RASGRP3: variants seen among roughly 807,000 people sequenced by gnomAD.
The protein encoded by RASGRP3 is RAS guanyl releasing protein 3, also known as ras guanyl-releasing protein 3.
In RASGRP3, 54 loss-of-function variants were observed where a neutral mutation model predicts 82.7. That is an observed-to-expected ratio of 0.65 (90% CI 0.52 to 0.82). The LOEUF is 0.82. Among genes scored for constraint, RASGRP3 ranks in the 40% least tolerant of loss-of-function variants. RASGRP3 has a pLI of 0.00. For synonymous variants in RASGRP3, 309 were observed against 300.5 expected (o/e 1.03, Z -0.29); for missense variants, 861 against 828.9 (o/e 1.04, Z -0.48).
chr2:33,525,745 T>C (rs1332313837), intron 9 of RASGRP3, among the ~76,000 whole-genome samples: 2 of 139,152 alleles, frequency 1.4e-5, no homozygotes, highest in African/African-American at 5.5e-5. Flanking sequence ...GGTGTGGCAG[T>C]GTGTGCCTGT....
intron 15 of RASGRP3, among the ~76,000 whole-genome samples, chr2:33,556,172 GTTGT>G (rs1170518259): frequency 6.8e-6 from 1 of 147,968 alleles, no homozygotes; most frequent in Non-Finnish European, 1.5e-5. Context: ...ATACATTACT[GTTGT>G]TTAAGAAGTT....
At chr2:33,461,137 C>T (rs994771299) in intron 2 of RASGRP3, among the ~76,000 whole-genome samples, 2 of 152,218 alleles carry the variant, frequency 1.3e-5, no homozygotes, top group African/African-American at 2.4e-5. Context: ...TCCCTTGCCT[C>T]TCAATTTGAG....
In RASGRP3 at chr2:33,487,920, G is replaced by A. The variant is rs545364679; in HGVS notation, c.-261+11213G>A. The stretch of plus-strand genomic sequence containing the variant: ...TTCTGAGACCAGCCTGGGCAACATA[G>A]TTGCAGACAGCAGTACACTTCATTC... On this transcript the variant is annotated intron_variant, in intron 1 of 17. Transcript: ENST00000403687. 5.9e-5 allele frequency among the ~76,000 whole-genome samples: 9 copies of A among 152,308 alleles called. No individual in the cohort carries two copies. The South Asian group carries it at 1.9e-3, about 32-fold the overall frequency.
At chr2:33,522,417 G>A (rs1672126488) in intron 7 of RASGRP3, among the ~76,000 whole-genome samples, 1 of 152,124 alleles carries the variant, frequency 6.6e-6, no homozygotes, top group African/African-American at 2.4e-5. Context: ...TCTCCCAAGT[G>A]AACATGTTTT....
intron 13 of RASGRP3, among the ~76,000 whole-genome samples, chr2:33,546,024 G>A (rs1306444824): frequency 6.6e-6 from 1 of 151,242 alleles, no homozygotes; most frequent in Non-Finnish European, 1.5e-5. Flanking sequence ...TGGCCAGGCT[G>A]TTCTTGAACT....
At chr2:33,477,249 T>A (rs939874191) in intron 1 of RASGRP3, among the ~76,000 whole-genome samples, 3 of 152,218 alleles carry the variant, frequency 2.0e-5, no homozygotes, top group African/African-American at 7.2e-5. Context: ...TATAGAAGAC[T>A]GACAAAATAA....
At chr2:33,458,080 C>T (rs1180946535) in intron 2 of RASGRP3, 1 of 152,144 alleles carries the variant, frequency 6.6e-6, no homozygotes, top group African/African-American at 2.4e-5. Flanking sequence ...CTAGGAACTG[C>T]TTGCCCACTT....
chr2:33,521,316 G>A (rs1296728431), intron 6 of RASGRP3, among the ~76,000 whole-genome samples: 1 of 152,206 alleles, frequency 6.6e-6, no homozygotes, highest in African/African-American at 2.4e-5. Flanking sequence ...GCACAGGGAA[G>A]ACTATTTGAT....
intron 1 of RASGRP3, among the ~76,000 whole-genome samples, chr2:33,498,887 C>T (rs1558448073): frequency 6.6e-6 from 1 of 151,994 alleles, no homozygotes; most frequent in Non-Finnish European, 1.5e-5. Context: ...TGTACCTCCA[C>T]CATGGTGTTA....
upstream of RASGRP3, among the ~76,000 whole-genome samples, chr2:33,473,954 A>G (rs1439242370): frequency 6.6e-6 from 1 of 152,166 alleles, no homozygotes; most frequent in African/African-American, 2.4e-5. Flanking sequence ...TCTCATAAGG[A>G]GCATGCAGTG....
chr2:33,537,158 T>C (rs1204399105), intron 11 of RASGRP3, among the ~76,000 whole-genome samples: 1 of 151,654 alleles, frequency 6.6e-6, no homozygotes, highest in Non-Finnish European at 1.5e-5. Context: ...AAGATAATTG[T>C]ATTAGGGTTC....
chr2:33,495,113 C>T (rs1669190798), intron 1 of RASGRP3, among the ~76,000 whole-genome samples: 1 of 152,220 alleles, frequency 6.6e-6, no homozygotes, highest in African/African-American at 2.4e-5. Context: ...TTTGAAAGAT[C>T]CTCCTTAGCT....
At chr2:33,554,613 C>G (rs185384988) in intron 14 of RASGRP3, among the ~76,000 whole-genome samples, 1 of 152,252 alleles carries the variant, frequency 6.6e-6, no homozygotes, top group African/African-American at 2.4e-5. Context: ...GCTGGGACCA[C>G]AGGCGCCCAC....
chr2:33,450,985 C>T (rs1202692641), intron 2 of RASGRP3, among the ~76,000 whole-genome samples: 2 of 151,034 alleles, frequency 1.3e-5, no homozygotes, highest in African/African-American at 4.9e-5. Flanking sequence ...CTACAGGTGC[C>T]TGCCACCACG....
intron 3 of RASGRP3, 80 bp from the exon 4 acceptor site, chr2:33,516,462 C>A: frequency 2.2e-6 from 2 of 907,952 alleles, no homozygotes; most frequent in Non-Finnish European, 3.4e-6. Flanking sequence ...ACATATGACA[C>A]TACTGCGTCT....
At chr2:33,453,668 T>A (rs1028020720) in intron 2 of RASGRP3, among the ~76,000 whole-genome samples, 4 of 152,220 alleles carry the variant, frequency 2.6e-5, no homozygotes, top group Non-Finnish European at 5.9e-5. Context: ...ATCCTATTGG[T>A]CACTCAGGGT....
upstream of RASGRP3, among the ~76,000 whole-genome samples, chr2:33,474,035 G>A (rs1667215505): frequency 6.6e-6 from 1 of 152,082 alleles, no homozygotes; most frequent in Non-Finnish European, 1.5e-5. Flanking sequence ...CAGCTGATCT[G>A]ACAGGAGGCA....
At chr2:33,483,928 G>T (rs764131301) in intron 1 of RASGRP3, among the ~76,000 whole-genome samples, 2 of 152,062 alleles carry the variant, frequency 1.3e-5, no homozygotes, top group Non-Finnish European at 2.9e-5. Flanking sequence ...AATAGTTAAT[G>T]AATTGACCAA....
intron 1 of RASGRP3, among the ~76,000 whole-genome samples, chr2:33,490,607 C>T (rs1051875829): frequency 3.9e-5 from 6 of 152,214 alleles, no homozygotes; most frequent in Admixed American, 3.9e-4. Flanking sequence ...TGCTTTGCTG[C>T]TCCTCCTCCC....
Sources: allele counts gnomAD v4.1 joint callset (sites outside exome capture counted in the v4.1 genomes callset), GRCh38; gene constraint gnomAD v4.1.1; transcripts MANE v1.5; gene names NCBI Gene and HGNC (gene_info 2026-07-23, HGNC 2026-07-21).